ZRANB3: variants seen among roughly 807,000 people sequenced by gnomAD.
ZRANB3 encodes the protein zinc finger RANBP2-type containing 3.
A neutral mutation model predicts 133.8 loss-of-function variants in ZRANB3; 125 were observed. The ratio of observed to expected loss-of-function variants is 0.93; its 90% CI spans 0.81 to 1.08. The LOEUF (loss-of-function observed/expected upper bound fraction) is 1.08, where lower values mean the gene tolerates loss of function less well. Among genes scored for constraint, ZRANB3 ranks in the 50% least tolerant of loss-of-function variants. The pLI is 0.00. For synonymous variants in ZRANB3, 387 were observed against 432.7 expected (o/e 0.89, Z 1.31); for missense variants, 1,229 against 1,275.5 (o/e 0.96, Z 0.56).
chr2:135,278,382 A>G (rs945803631), intron 8 of ZRANB3, among the ~76,000 whole-genome samples: 1 of 152,224 alleles, frequency 6.6e-6, no homozygotes, highest in African/African-American at 2.4e-5. Context: ...ATTTTCAAAT[A>G]TGCAAGGAAT....
intron 6 of ZRANB3, among the ~76,000 whole-genome samples, chr2:135,336,182 C>T (rs989844595): frequency 6.6e-6 from 1 of 152,214 alleles, no homozygotes; most frequent in African/African-American, 2.4e-5. Flanking sequence ...TCAAGTCAAA[C>T]CAGGTAGCTG....
intron 2 of ZRANB3, among the ~76,000 whole-genome samples, chr2:135,402,998 C>A (rs962100953): frequency 6.6e-6 from 1 of 152,134 alleles, no homozygotes; most frequent in African/African-American, 2.4e-5. Context: ...CAAATAGGAA[C>A]CGCTCCAATC....
At chr2:135,464,862 G>C (rs1444794171) in intron 2 of ZRANB3, among the ~76,000 whole-genome samples, 1 of 152,092 alleles carries the variant, frequency 6.6e-6, no homozygotes, top group Non-Finnish European at 1.5e-5. Context: ...TAGATGTGTT[G>C]GGACACTACC....
At chr2:135,487,868 G>A (rs146775367) in intron 2 of ZRANB3, among the ~76,000 whole-genome samples, 21 of 152,280 alleles carry the variant, frequency 1.4e-4, no homozygotes, top group Non-Finnish European at 2.9e-4. Context: ...GTATACTGGA[G>A]GAGTACATTT....
intron 1 of ZRANB3, chr2:135,510,761 G>A (rs996761081): frequency 5.5e-5 from 44 of 805,844 alleles, no homozygotes; most frequent in Non-Finnish European, 9.0e-5. Flanking sequence ...GGCCTGTTGC[G>A]AAGGACCTTC....
intron 3 of ZRANB3, among the ~76,000 whole-genome samples, chr2:135,365,875 G>C (rs1276885610): frequency 6.6e-6 from 1 of 152,102 alleles, no homozygotes; most frequent in Non-Finnish European, 1.5e-5. Flanking sequence ...AAAGAACCCT[G>C]TATTGAAATT....
At chr2:135,425,931 T>C (rs1302302821) in intron 2 of ZRANB3, among the ~76,000 whole-genome samples, 1 of 150,686 alleles carries the variant, frequency 6.6e-6, no homozygotes, top group Non-Finnish European at 1.5e-5. Context: ...AAAGAATAAA[T>C]AGATAGACCA....
At chr2:135,239,209 T>A (rs563633176) in intron 12 of ZRANB3, among the ~76,000 whole-genome samples, 1 of 152,204 alleles carries the variant, frequency 6.6e-6, no homozygotes, top group South Asian at 2.1e-4. Context: ...ATAAAATTCA[T>A]AAAAACAGAA....
At chr2:135,261,847 T>C (rs1558869835) in intron 12 of ZRANB3, among the ~76,000 whole-genome samples, 1 of 152,032 alleles carries the variant, frequency 6.6e-6, no homozygotes, top group Non-Finnish European at 1.5e-5. Flanking sequence ...GACCAGAATA[T>C]AATATAATAA....
rs919280800 is a variant in ZRANB3, at chr2:135,306,791, T to A, written c.966+6698A>T. Among the ~76,000 whole-genome samples, 13 of 152,158 alleles carry A rather than the reference T, an allele frequency of 8.5e-5. No homozygotes were observed. The South Asian group carries it at 1.2e-3, about 15-fold the overall frequency. On this transcript the variant is annotated intron_variant, in intron 8 of 20. Transcript: ENST00000264159. ...TTCTGGTAGAGACAGGGTTTTGCCA[T>A]GTTGGTCAGGCTGGTCTCGAACTCC...
intron 6 of ZRANB3, among the ~76,000 whole-genome samples, chr2:135,339,597 C>G (rs1175072057): frequency 6.6e-6 from 1 of 152,142 alleles, no homozygotes; most frequent in Non-Finnish European, 1.5e-5. Context: ...AAACCCAAAA[C>G]AGATGGTATA....
intron 3 of ZRANB3, among the ~76,000 whole-genome samples, chr2:135,384,256 A>C (rs1387695696): frequency 6.6e-6 from 1 of 152,206 alleles, no homozygotes; most frequent in East Asian, 1.9e-4. Context: ...GAAATGGATA[A>C]ATTCCTTGAC....
chr2:135,465,925 T>A (rs903352251), intron 2 of ZRANB3, among the ~76,000 whole-genome samples: 2 of 152,330 alleles, frequency 1.3e-5, no homozygotes, highest in East Asian at 3.9e-4. Context: ...AAAAAGCTCA[T>A]CATATTTATT....
At chr2:135,227,215 A>C (rs1694788848) in intron 14 of ZRANB3, among the ~76,000 whole-genome samples, 1 of 152,212 alleles carries the variant, frequency 6.6e-6, no homozygotes, top group African/African-American at 2.4e-5. Flanking sequence ...CGATAGTGAA[A>C]TATGACATAC....
In ZRANB3 at chr2:135,300,118, A is replaced by C. The variant is rs565681010; in HGVS notation, c.966+13371T>G. On this transcript the variant is annotated intron_variant, in intron 8 of 20. Transcript: ENST00000264159. The stretch of plus-strand genomic sequence containing the variant: ...AACAGTGTTAAAAAAAAGAATAGAG[A>C]AAGTATTCACTTCCTCAGTTTGACA... Among the ~76,000 whole-genome samples the C allele has an allele frequency of 2.9e-4, 44 of 152,328 alleles. 1 individual carries two copies. Among genetic ancestry groups the C allele is most frequent in the African/African-American group, 1.1e-3 (44 of 41,570 alleles).
intron 3 of ZRANB3, among the ~76,000 whole-genome samples, chr2:135,371,957 C>T (rs1276140540): frequency 2.0e-5 from 3 of 151,974 alleles, no homozygotes; most frequent in Admixed American, 6.6e-5. Flanking sequence ...AGGCAGAACA[C>T]TTAAGGCCAG....
chr2:135,409,472 C>T (rs1688205716), intron 2 of ZRANB3, among the ~76,000 whole-genome samples: 1 of 152,000 alleles, frequency 6.6e-6, no homozygotes, highest in Admixed American at 6.6e-5. Context: ...ACAAATTAGG[C>T]ATCAGGGATA....
At chr2:135,445,732 C>T (rs1301497018) in intron 2 of ZRANB3, among the ~76,000 whole-genome samples, 7 of 148,530 alleles carry the variant, frequency 4.7e-5, no homozygotes, top group Admixed American at 2.7e-4. Flanking sequence ...AAAAATTAGC[C>T]GGGTGCAGTG....
chr2:135,422,490 G>C (rs923103576), intron 2 of ZRANB3, among the ~76,000 whole-genome samples: 2 of 151,828 alleles, frequency 1.3e-5, no homozygotes, highest in Admixed American at 1.3e-4. Flanking sequence ...TAAAAAAGGC[G>C]GGGGGCAGGG....
Sources: allele counts gnomAD v4.1 joint callset (sites outside exome capture counted in the v4.1 genomes callset), GRCh38; gene constraint gnomAD v4.1.1; transcripts MANE v1.5; gene names NCBI Gene and HGNC (gene_info 2026-07-23, HGNC 2026-07-21).